Variants in SECISBP2 observed in about 807,000 individuals in gnomAD.
SECISBP2 encodes selenocysteine insertion sequence-binding protein 2.
A neutral mutation model predicts 98.2 loss-of-function variants in SECISBP2; 96 were observed. The observed-to-expected ratio is 0.98, with a 90% CI of 0.83 to 1.16. The LOEUF is 1.16. SECISBP2 is among the 50% of genes most tolerant of loss of function. The pLI is 0.00. For synonymous variants in SECISBP2, 407 were observed against 370.2 expected (o/e 1.10, Z -1.14); for missense variants, 1,046 against 1,022.9 (o/e 1.02, Z -0.31).
downstream of SECISBP2, chr9:89,363,669 T>A: frequency 1.9e-6 from 3 of 1,593,828 alleles, no homozygotes; most frequent in Non-Finnish European, 2.6e-6. Flanking sequence ...TCCAGCTGTT[T>A]TTTTCACTGC....
intron 2 of SECISBP2, 36 bp downstream of exon 2, chr9:89,319,833 A>C: frequency 6.2e-7 from 1 of 1,608,474 alleles, no homozygotes; most frequent in Non-Finnish European, 8.5e-7. Context: ...CTAGGGGCTT[A>C]CATTTTGGAT....
Position 89,325,416 on chromosome 9 carries a change from T to C in SECISBP2, c.183-11T>C. 6.2e-7 allele frequency: 1 copy of C among 1,613,542 alleles called. No individual in the cohort carries two copies. The highest frequency in any genetic ancestry group is 1.7e-5 in the Admixed American group (1 of 60,026). The stretch of plus-strand genomic sequence containing the variant: ...TGAAATCTGCAACTAAAGTTTACAC[T>C]TTTTACTTAGGCAGAAAATATATAC... On this transcript the variant is annotated splice_polypyrimidine_tract_variant and intron_variant, in intron 2 of 16. Transcript: ENST00000375807.
rs767070826 is a variant in SECISBP2, at chr9:89,325,589, A to G, written c.345A>G (p.Gln115=). The G allele has an allele frequency of 6.8e-6, 11 of 1,614,124 alleles. No individual in the cohort carries two copies. The Admixed American group carries it at 1.2e-4, about 17-fold the overall frequency. The stretch of plus-strand genomic sequence containing the variant: ...CTGGCTCCCAGTATCTTTATAACCA[A>G]CCCAGTTGTTACCGAGGTTTTCAAA... ...SVPGSQYLYN[Q]PSCYRGFQTV... The change falls in exon 3 of 17, where the codon CAA becomes CAG. Residue 115 remains glutamine, a synonymous_variant. Transcript: ENST00000375807.
In SECISBP2 at chr9:89,325,231, TAG is replaced by T. The variant is rs1482928769; in HGVS notation, c.183-193_183-192del. 4 of 598,452 alleles carry T rather than the reference TAG, an allele frequency of 6.7e-6. No individual in the cohort carries two copies. In the East Asian group the frequency reaches 8.6e-5, roughly 13 times the overall value. 37.1% of individuals were successfully genotyped at this position (598,452 alleles called of 1,614,324 possible). A position where few individuals can be genotyped will look rare whatever the true frequency, so the allele number is the denominator to read the frequency against. On this transcript the variant is annotated intron_variant, in intron 2 of 16. Coordinates refer to ENST00000375807, the MANE Select transcript of SECISBP2 (RefSeq NM_024077.5). ...GACTTCCAGCTCATTAGTGAAAAAA[TAG>T]AGTCAACATCTTTCTTTGCAGGGTG...
At chr9:89,333,213 T>C (rs895499869) in intron 6 of SECISBP2, among the ~76,000 whole-genome samples, 2 of 152,178 alleles carry the variant, frequency 1.3e-5, no homozygotes, top group African/African-American at 4.8e-5. Flanking sequence ...GAAGTACACA[T>C]CCAATTCAGT....
chr9:89,322,894 T>G (rs908996810), intron 2 of SECISBP2: 1 of 152,264 alleles, frequency 6.6e-6, no homozygotes. Flanking sequence ...GTTTGCTGGG[T>G]AGGCAATAGG....
chr9:89,355,389 C>T (rs1831910716), intron 14 of SECISBP2: 1 of 985,276 alleles, frequency 1.0e-6, no homozygotes, highest in Non-Finnish European at 1.2e-6. Context: ...TGTGAGCATC[C>T]TCTCCAGGAG....
intron 4 of SECISBP2, among the ~76,000 whole-genome samples, chr9:89,326,968 C>A (rs1016427020): frequency 4.6e-5 from 7 of 152,148 alleles, no homozygotes; most frequent in African/African-American, 1.4e-4. Flanking sequence ...CAAGATCATC[C>A]TGGCTAACAC....
chr9:89,365,002 T>G, the SECISBP2 span: 2 of 152,278 alleles, frequency 1.3e-5, no homozygotes, highest in Non-Finnish European at 2.9e-5. Flanking sequence ...CTCCCGGCCT[T>G]CCTTGCTCGT....
Position 89,358,853 on chromosome 9 carries a change from G to A in SECISBP2, c.*29G>A. ...TTCTTGCCTGTGTGTCTGTATTTTGGGTAAGGAGGGGAGGTCTGAAAAAGA... is the reference window on the plus strand; with the variant it reads ...TTCTTGCCTGTGTGTCTGTATTTTGAGTAAGGAGGGGAGGTCTGAAAAAGA... On this transcript the variant is annotated 3_prime_UTR_variant, in exon 17 of 17. Coordinates refer to ENST00000375807, the MANE Select transcript of SECISBP2 (RefSeq NM_024077.5). 7.0e-7 allele frequency: 1 copy of A among 1,434,770 alleles called. No homozygotes were observed. Among genetic ancestry groups the A allele is most frequent in the Admixed American group, 1.7e-5 (1 of 59,456 alleles). 88.9% of individuals were successfully genotyped at this position (1,434,770 alleles called of 1,614,324 possible).
chr9:89,318,671 G>T, intron 1 of SECISBP2, 59 bp downstream of exon 1: 2 of 1,354,820 alleles, frequency 1.5e-6, no homozygotes, highest in Non-Finnish European at 1.9e-6. Context: ...CTCGCACTGG[G>T]GGCTCGGCCG....
intron 7 of SECISBP2, among the ~76,000 whole-genome samples, chr9:89,336,098 T>TTTTTTTTTTTTTTTTTTTTTTC (rs1554720217): frequency 7.2e-6 from 1 of 138,616 alleles, no homozygotes; most frequent in Non-Finnish European, 1.6e-5. Flanking sequence ...TTTTTTTTTT[T>TTTTTTTTTTTTTTTTTTTTTTC]TTTTTTTTTT....
intron 7 of SECISBP2, among the ~76,000 whole-genome samples, chr9:89,337,983 G>A (rs537094964): frequency 6.6e-6 from 1 of 152,378 alleles, no homozygotes; most frequent in South Asian, 2.1e-4. Flanking sequence ...GGCCCAGGGG[G>A]TTAGGGGCCT....
intron 4 of SECISBP2, among the ~76,000 whole-genome samples, chr9:89,327,617 C>G (rs954418761): frequency 2.0e-5 from 3 of 152,076 alleles, no homozygotes; most frequent in African/African-American, 7.2e-5. Flanking sequence ...ACACATTAGC[C>G]TAGGCCTGTA....
rs569594424 is a variant in SECISBP2, at chr9:89,347,026, A to G, written c.1580A>G (p.Lys527Arg). Reference sequence around the variant, plus strand: ...AAGCAGAGGGAGATCCCCAAGGCCAAGAAGCCAACCTCACTGAAGAAGGTA... The same window carrying G: ...AAGCAGAGGGAGATCCCCAAGGCCAGGAAGCCAACCTCACTGAAGAAGGTA... The part of the protein sequence containing the change: ...KGKQREIPKA[K>R]KPTSLKKIIL... Residue 527 changes from lysine to arginine, a missense_variant, in exon 11 of 17, where the codon AAG becomes AGG. By Grantham distance (26) the Lys-to-Arg change is conservative. Coordinates refer to ENST00000375807, the MANE Select transcript of SECISBP2 (RefSeq NM_024077.5). The G allele has an allele frequency of 9.2e-5, 148 of 1,614,202 alleles. No homozygotes were observed. The South Asian group carries it at 1.5e-3, about 17-fold the overall frequency.
At chr9:89,331,423 T>C (rs912854712) in intron 5 of SECISBP2, among the ~76,000 whole-genome samples, 4 of 152,216 alleles carry the variant, frequency 2.6e-5, no homozygotes, top group African/African-American at 9.6e-5. Context: ...CCTGGACTCA[T>C]GTTATGAATT....
intron 6 of SECISBP2, among the ~76,000 whole-genome samples, chr9:89,333,552 G>C (rs548364368): frequency 2.8e-4 from 42 of 152,276 alleles, no homozygotes; most frequent in African/African-American, 9.9e-4. Context: ...TCACGGTCCT[G>C]CCTCATACAG....
chr9:89,364,368 C>T (rs1833245334), downstream of SECISBP2: 1 of 285,030 alleles, frequency 3.5e-6, no homozygotes, highest in Admixed American at 4.4e-5. Flanking sequence ...ACCAGGGCCA[C>T]AGCATGGAGA....
intron 4 of SECISBP2, among the ~76,000 whole-genome samples, chr9:89,326,834 A>G (rs1826787084): frequency 6.6e-6 from 1 of 152,200 alleles, no homozygotes; most frequent in Non-Finnish European, 1.5e-5. Context: ...TGAATATTGT[A>G]GGCAGTTGTA....
Sources: gnomAD v4.1 joint callset for allele counts (sites outside exome capture counted in the v4.1 genomes callset) on GRCh38, gnomAD v4.1.1 for gene constraint, MANE v1.5 for transcripts, NCBI Gene and HGNC (gene_info 2026-07-23, HGNC 2026-07-21) for gene names.